PDE4B: variants seen among roughly 807,000 people sequenced by gnomAD.
The protein encoded by PDE4B is 3',5'-cyclic-AMP phosphodiesterase 4B.
A neutral mutation model predicts 82.2 loss-of-function variants in PDE4B; 20 were observed. The observed-to-expected ratio is 0.24, with a 90% CI of 0.17 to 0.35. The LOEUF is 0.35. Ranked by LOEUF, PDE4B falls within the 10% of genes least tolerant of loss-of-function variation. The pLI is 1.00. For missense variants in PDE4B, 655 were observed against 907.2 expected (o/e 0.72, Z 3.57); for synonymous variants, 320 against 318.9 (o/e 1.00, Z -0.04).
At chr1:66,261,488 T>G (rs1485308702) in intron 6 of PDE4B, among the ~76,000 whole-genome samples, 1 of 152,228 alleles carries the variant, frequency 6.6e-6, no homozygotes, top group Non-Finnish European at 1.5e-5. Flanking sequence ...TGCCACTCCC[T>G]GCCTTGAATG....
intron 1 of PDE4B, among the ~76,000 whole-genome samples, chr1:65,881,278 A>G (rs1646705323): frequency 6.6e-6 from 1 of 152,080 alleles, no homozygotes; most frequent in Non-Finnish European, 1.5e-5. Context: ...TTCCCTCACC[A>G]AAGTCCTGTT....
intron 3 of PDE4B, among the ~76,000 whole-genome samples, chr1:66,145,074 C>T (rs1181834645): frequency 6.6e-6 from 1 of 152,184 alleles, no homozygotes; most frequent in Non-Finnish European, 1.5e-5. Flanking sequence ...ACAAACTTGA[C>T]TGCTAGCTTC....
intron 3 of PDE4B, among the ~76,000 whole-genome samples, chr1:66,072,974 A>T (rs1162149748): frequency 1.3e-5 from 2 of 152,010 alleles, no homozygotes; most frequent in Non-Finnish European, 2.9e-5. Flanking sequence ...AAATAAAAAA[A>T]ATCCCACTTC....
rs543648567 is a variant in PDE4B at position 66,079,316 on chromosome 1, G to C, written c.281+160481G>C. On this transcript the variant is annotated intron_variant, in intron 3 of 16. Transcript: ENST00000341517. Reference sequence around the variant, plus strand: ...TATAACTATTTATAGTTAAACTCCTGCTGATTGGGTCACAGTTACACTGGT... The same window carrying C: ...TATAACTATTTATAGTTAAACTCCTCCTGATTGGGTCACAGTTACACTGGT... Among the ~76,000 whole-genome samples, 6 of 151,924 alleles carry C rather than the reference G, an allele frequency of 3.9e-5. No homozygotes were observed. In the South Asian group the frequency reaches 1.2e-3, roughly 32 times the overall value.
At position 65,922,610 on chromosome 1, in the gene PDE4B, A is replaced by G. The variant is rs76891836; in HGVS notation, c.281+3775A>G. 7.0e-4 allele frequency among the ~76,000 whole-genome samples: 106 copies of G among 152,326 alleles called. 3 individuals carry two copies. The East Asian group carries it at 0.02, about 29-fold the overall frequency. On this transcript the variant is annotated intron_variant, in intron 3 of 16. Coordinates refer to ENST00000341517, the MANE Select transcript of PDE4B (RefSeq NM_002600.4). ...CCCCTCACCTCTTATACACACATAAATAGAAGGCCTACCCCTACAAAACTT... is the reference window on the plus strand; with the variant it reads ...CCCCTCACCTCTTATACACACATAAGTAGAAGGCCTACCCCTACAAAACTT...
In PDE4B at chr1:66,181,993, TG is replaced by T. The variant is rs200276619; in HGVS notation, c.282-65466del. 2.0e-3 allele frequency among the ~76,000 whole-genome samples: 299 copies of T among 152,212 alleles called. 1 individual carries two copies. The highest frequency in any genetic ancestry group is 6.8e-3 in the African/African-American group (282 of 41,516). On this transcript the variant is annotated intron_variant, in intron 3 of 16. Coordinates refer to ENST00000341517, the MANE Select transcript of PDE4B (RefSeq NM_002600.4). ...TAATTATATTAAATGCTATTTTTTT[TG>T]ATTTCAATATATTATTATTTACTCA...
At chr1:65,910,252 C>T (rs1215922298) in intron 1 of PDE4B, among the ~76,000 whole-genome samples, 3 of 152,194 alleles carry the variant, frequency 2.0e-5, no homozygotes, top group Admixed American at 6.5e-5. Context: ...TGAAAAGAAT[C>T]TCCATTGTCA....
chr1:66,236,371 T>G (rs1652453861), intron 3 of PDE4B, among the ~76,000 whole-genome samples: 1 of 152,176 alleles, frequency 6.6e-6, no homozygotes, highest in African/African-American at 2.4e-5. Context: ...AACTTCACAG[T>G]AGATTGTTAT....
chr1:65,940,154 C>T (rs927827810), intron 3 of PDE4B, among the ~76,000 whole-genome samples: 5 of 152,006 alleles, frequency 3.3e-5, no homozygotes, highest in Non-Finnish European at 4.4e-5. Flanking sequence ...GATTGATACA[C>T]AAATAATAAA....
chr1:65,937,921 C>T (rs541810726), intron 3 of PDE4B, among the ~76,000 whole-genome samples: 5 of 152,194 alleles, frequency 3.3e-5, no homozygotes, highest in African/African-American at 7.2e-5. Flanking sequence ...TAGTATACAA[C>T]GTCCATTCTG....
intron 3 of PDE4B, among the ~76,000 whole-genome samples, chr1:65,932,157 G>A (rs200789771): frequency 2.0e-5 from 3 of 151,484 alleles, no homozygotes; most frequent in Non-Finnish European, 2.9e-5. Context: ...AGCTGCCTTG[G>A]GGCCAATGAG....
intron 3 of PDE4B, among the ~76,000 whole-genome samples, chr1:65,925,962 A>G (rs1647476311): frequency 1.3e-5 from 2 of 152,052 alleles, no homozygotes; most frequent in South Asian, 2.1e-4. Flanking sequence ...AGTCTCCTGG[A>G]TGTAGAGTAG....
At chr1:66,055,879 C>T (rs1655267854) in intron 3 of PDE4B, among the ~76,000 whole-genome samples, 2 of 152,114 alleles carry the variant, frequency 1.3e-5, no homozygotes, top group Non-Finnish European at 2.9e-5. Context: ...TTTGTGATTA[C>T]TTGTTTTGTC....
intron 1 of PDE4B, among the ~76,000 whole-genome samples, chr1:65,907,130 A>T (rs186106669): frequency 7.9e-4 from 120 of 152,222 alleles, no homozygotes; most frequent in Admixed American, 3.2e-3. Flanking sequence ...TATTTTTTGC[A>T]TCATACAACT....
chr1:65,855,067 T>G (rs1646375854), intron 1 of PDE4B, among the ~76,000 whole-genome samples: 1 of 151,514 alleles, frequency 6.6e-6, no homozygotes, highest in Non-Finnish European at 1.5e-5. Context: ...TACATTTAAT[T>G]TCTCTCTCAT....
intron 3 of PDE4B, among the ~76,000 whole-genome samples, chr1:65,937,534 G>A (rs916120480): frequency 6.6e-6 from 1 of 152,176 alleles, no homozygotes; most frequent in Admixed American, 6.5e-5. Flanking sequence ...ACAAAAGCTG[G>A]TGCATGGATG....
intron 7 of PDE4B, among the ~76,000 whole-genome samples, chr1:66,277,630 G>A (rs371097579): frequency 3.3e-5 from 5 of 152,176 alleles, no homozygotes; most frequent in Non-Finnish European, 5.9e-5. Flanking sequence ...TCCTAACCTC[G>A]TGATCTGCGT....
intron 3 of PDE4B, among the ~76,000 whole-genome samples, chr1:66,190,795 C>A (rs185315000): frequency 6.6e-6 from 1 of 152,018 alleles, no homozygotes; most frequent in Admixed American, 6.5e-5. Context: ...CTGGGTGAGG[C>A]GATGCCTCAC....
At chr1:65,892,091 C>A (rs1347461560) in intron 1 of PDE4B, among the ~76,000 whole-genome samples, 1 of 152,142 alleles carries the variant, frequency 6.6e-6, no homozygotes, top group East Asian at 1.9e-4. Context: ...TGATTCCTTG[C>A]TTTTAGAAAC....
Sources: allele counts gnomAD v4.1 joint callset (sites outside exome capture counted in the v4.1 genomes callset), GRCh38; gene constraint gnomAD v4.1.1; transcripts MANE v1.5; gene names NCBI Gene and HGNC (gene_info 2026-07-23, HGNC 2026-07-21).